Variants in OSMR observed in about 807,000 individuals in gnomAD.
OSMR encodes the protein oncostatin M receptor.
Under a neutral mutation model 99.9 loss-of-function variants are expected in OSMR, and 81 were observed. The ratio of observed to expected loss-of-function variants is 0.81; its 90% confidence interval spans 0.68 to 0.97. The LOEUF is 0.97. Among genes scored for constraint, OSMR ranks in the 50% least tolerant of loss-of-function variants. OSMR has a pLI of 0.00. For missense variants in OSMR, 1,099 were observed against 1,153.4 expected, an observed-to-expected ratio of 0.95 and a Z score of 0.68; for synonymous variants, 406 against 410.4, an observed-to-expected ratio of 0.99 and a Z score of 0.13.
chr5:38,893,992 T>G (rs1435028967), intron 7 of OSMR, among the ~76,000 whole-genome samples: 1 of 152,164 alleles, frequency 6.6e-6, no homozygotes. Context: ...GCAGAAACCT[T>G]ACAAGCCAGA....
chr5:38,877,239 C>T (rs1022153348), intron 3 of OSMR, among the ~76,000 whole-genome samples: 9 of 152,164 alleles, frequency 5.9e-5, no homozygotes, highest in Non-Finnish European at 1.2e-4. Flanking sequence ...CAACCAGGCT[C>T]CTGTCTTCAC....
chr5:38,944,863 A>C, intron 2 of OSMR: 2 of 1,546,326 alleles, frequency 1.3e-6, no homozygotes, highest in Non-Finnish European at 1.8e-6. Flanking sequence ...AAAACCAACT[A>C]ATCAGAACAG....
chr5:38,884,206 T>C, intron 5 of OSMR, 95 bp downstream of exon 5: 1 of 1,031,324 alleles, frequency 9.7e-7, no homozygotes, highest in South Asian at 1.3e-5. Flanking sequence ...TTTCTACCCA[T>C]GATCTTGATT....
At position 38,925,043 on chromosome 5, in the gene OSMR, C is replaced by A. The variant is rs765797959; in HGVS notation, c.2045-161C>A. On this transcript the variant is annotated intron_variant, in intron 14 of 17. Coordinates refer to ENST00000274276, the MANE Select transcript of OSMR (RefSeq NM_003999.3). Reference sequence around the variant, plus strand: ...CTCCTGACCATTTTACCTGGTGTGCCCATGGTGATGAAATTATGATTTGAT... The same window carrying A: ...CTCCTGACCATTTTACCTGGTGTGCACATGGTGATGAAATTATGATTTGAT... The A allele has an allele frequency of 3.1e-6, 3 of 982,032 alleles. No homozygotes were observed. The South Asian group carries it at 1.4e-4, about 46-fold the overall frequency. 60.8% of individuals were successfully genotyped at this position (982,032 alleles called of 1,614,324 possible).
chr5:38,932,742 G>A (rs1746817075), intron 17 of OSMR, 130 bp from the exon 18 acceptor site: 2 of 1,529,376 alleles, frequency 1.3e-6, no homozygotes, highest in Non-Finnish European at 8.8e-7. Flanking sequence ...TCACCTCCAG[G>A]TTACTTGTGA....
chr5:38,944,879 CTAA>C (rs771171635), intron 2 of OSMR: 1 of 1,592,716 alleles, frequency 6.3e-7, no homozygotes, highest in Admixed American at 1.7e-5. Context: ...AACAGTTTTA[CTAA>C]TAATGATTGG....
At chr5:38,897,045 G>T (rs1031869929) in intron 7 of OSMR, among the ~76,000 whole-genome samples, 2 of 151,968 alleles carry the variant, frequency 1.3e-5, no homozygotes, top group Non-Finnish European at 2.9e-5. Context: ...TGTTGAATTT[G>T]GTTTGGGAGT....
downstream of OSMR, among the ~76,000 whole-genome samples, chr5:38,936,995 C>CAGCG (rs1290190019): frequency 3.9e-5 from 6 of 152,194 alleles, no homozygotes; most frequent in Non-Finnish European, 8.8e-5. Context: ...TTTAAAGGAT[C>CAGCG]AGCGGCATGA....
chr5:38,846,937 C>T (rs905897733), intron 1 of OSMR, among the ~76,000 whole-genome samples: 1 of 152,226 alleles, frequency 6.6e-6, no homozygotes, highest in African/African-American at 2.4e-5. Flanking sequence ...CTTCATCTGC[C>T]CTTCATCCAC....
chr5:38,847,244 T>A (rs1401356412), intron 1 of OSMR, among the ~76,000 whole-genome samples: 1 of 152,220 alleles, frequency 6.6e-6, no homozygotes, highest in Non-Finnish European at 1.5e-5. Context: ...TATCACCTCT[T>A]AGTTTCCTTG....
intron 1 of OSMR, among the ~76,000 whole-genome samples, chr5:38,854,669 G>A (rs989669292): frequency 3.9e-5 from 6 of 152,108 alleles, no homozygotes; most frequent in African/African-American, 1.4e-4. Flanking sequence ...GAGAAAATTA[G>A]TACCCATTTT....
intron 7 of OSMR, among the ~76,000 whole-genome samples, chr5:38,888,010 G>A (rs1743905685): frequency 6.6e-6 from 1 of 152,122 alleles, no homozygotes; most frequent in Non-Finnish European, 1.5e-5. Flanking sequence ...GTTTTAAGGA[G>A]TGAAAAGTTT....
At chr5:38,907,572 C>G (rs893593003) in intron 9 of OSMR, among the ~76,000 whole-genome samples, 2 of 152,212 alleles carry the variant, frequency 1.3e-5, no homozygotes, top group Non-Finnish European at 2.9e-5. Context: ...GAGTGATCCC[C>G]TGTCTGCTGG....
At chr5:38,926,991 C>T (rs1300778875) in intron 15 of OSMR, among the ~76,000 whole-genome samples, 1 of 152,192 alleles carries the variant, frequency 6.6e-6, no homozygotes, top group African/African-American at 2.4e-5. Flanking sequence ...CTGCAGGCCC[C>T]ATGCAAGTTC....
rs142010634 is a variant in OSMR at position 38,902,023 on chromosome 5, C to T, written c.992-1859C>T. Among the ~76,000 whole-genome samples, 300 of 152,268 alleles carry T rather than the reference C, an allele frequency of 2.0e-3. 3 individuals are homozygous for T. Among genetic ancestry groups the T allele is most frequent in the African/African-American group, 6.6e-3 (275 of 41,554 alleles). Reference sequence around the variant, plus strand: ...CAGCTTAAGTGGCCTTGGCATTTAGCCTGTGATAGTCCATGGTTAGTCTCC... The same window carrying T: ...CAGCTTAAGTGGCCTTGGCATTTAGTCTGTGATAGTCCATGGTTAGTCTCC... On this transcript the variant is annotated intron_variant, in intron 7 of 17. Transcript: ENST00000274276.
At chr5:38,870,330 C>CTTTTTT (rs374861159) in intron 2 of OSMR, among the ~76,000 whole-genome samples, 6 of 115,132 alleles carry the variant, frequency 5.2e-5, no homozygotes, top group Admixed American at 9.6e-5. Flanking sequence ...GAATGATTTT[C>CTTTTTT]TTTTTTTTTT....
At chr5:38,935,733 T>TAA (rs984723769), downstream of OSMR, 3 of 152,228 alleles carry the variant, frequency 2.0e-5, no homozygotes, top group African/African-American at 7.2e-5. Flanking sequence ...AATAAAAATG[T>TAA]AAATTCCTGG....
intron 15 of OSMR, among the ~76,000 whole-genome samples, chr5:38,929,169 C>T (rs78484970): frequency 1.5e-3 from 235 of 152,172 alleles, no homozygotes; most frequent in African/African-American, 5.2e-3. Context: ...GTATGTGCTA[C>T]AATGAGGCTA....
intron 1 of OSMR, among the ~76,000 whole-genome samples, chr5:38,857,717 G>A (rs530372538): frequency 1.7e-3 from 251 of 151,974 alleles, no homozygotes; most frequent in African/African-American, 5.7e-3. Flanking sequence ...GCCTAGGCTG[G>A]AGTGCAATGG....
Sources: gnomAD v4.1 joint callset for allele counts (sites outside exome capture counted in the v4.1 genomes callset) on GRCh38, gnomAD v4.1.1 for gene constraint, MANE v1.5 for transcripts, NCBI Gene and HGNC (gene_info 2026-07-23, HGNC 2026-07-21) for gene names.